ACAP2: variants seen among roughly 807,000 people sequenced by gnomAD.
The protein encoded by ACAP2 is arf-GAP with coiled-coil, ANK repeat and PH domain-containing protein 2.
ACAP2 carries 39 observed loss-of-function variants against 115.8 expected under a neutral mutation model. The ratio of observed to expected loss-of-function variants is 0.34; its 90% CI spans 0.26 to 0.44. The LOEUF is 0.44. Among genes scored for constraint, ACAP2 ranks in the 20% least tolerant of loss-of-function variants. The pLI, the probability that ACAP2 is intolerant of heterozygous loss-of-function variation, is 1.00. For missense variants in ACAP2, 662 were observed against 927.6 expected, an observed-to-expected ratio of 0.71 and a Z score of 3.72; for synonymous variants, 289 against 315.8, an observed-to-expected ratio of 0.92 and a Z score of 0.90.
At position 195,294,315 on chromosome 3, in the gene ACAP2, G is replaced by A. The variant is rs528005653; in HGVS notation, c.1765+404C>T. On this transcript the variant is annotated intron_variant, in intron 18 of 22. Transcript: ENST00000326793. ...TTTAATCAAGAGTAGGGCCGGGCAC[G>A]GTGGCTCAAATCCCAGCACTTTGGG... Among the ~76,000 whole-genome samples, 5 of 150,434 alleles carry A rather than the reference G, an allele frequency of 3.3e-5. No homozygotes were observed. The East Asian group carries it at 1.0e-3, about 30-fold the overall frequency.
intron 1 of ACAP2, among the ~76,000 whole-genome samples, chr3:195,401,751 GA>G (rs1226302275): frequency 2.6e-5 from 4 of 152,148 alleles, no homozygotes; most frequent in Non-Finnish European, 5.9e-5. Context: ...CAGAATCACA[GA>G]ATCTTGAATG....
rs1417110614 is a variant in ACAP2 at position 195,278,294 on chromosome 3, T to C, written c.*1034A>G. ...TGTGTACAAGTACACAAAATAGATG[T>C]AGAAAAAATAAACAGCAATTTATTG... On this transcript the variant is annotated 3_prime_UTR_variant, in exon 23 of 23. Coordinates refer to ENST00000326793, the MANE Select transcript of ACAP2 (RefSeq NM_012287.6). 1.3e-5 allele frequency: 2 copies of C among 152,126 alleles called. No homozygotes were observed. Among genetic ancestry groups the C allele is most frequent in the African/African-American group, 4.8e-5 (2 of 41,430 alleles). The allele number at this position is 152,126 out of a possible 1,614,324, so 9.4% of individuals were successfully genotyped here.
intron 2 of ACAP2, among the ~76,000 whole-genome samples, chr3:195,382,223 G>T (rs1483546496): frequency 2.6e-5 from 4 of 152,104 alleles, no homozygotes; most frequent in Non-Finnish European, 4.4e-5. Flanking sequence ...TACCAGAAAA[G>T]TTGACCATTT....
chr3:195,315,888 A>G (rs1391699711), intron 10 of ACAP2, among the ~76,000 whole-genome samples: 1 of 152,214 alleles, frequency 6.6e-6, no homozygotes, highest in Non-Finnish European at 1.5e-5. Flanking sequence ...ATCATAATGA[A>G]AAGGTTCATG....
rs1402264686 is a variant in ACAP2, at chr3:195,442,904, G to A, written c.-57C>T. ...AGCCGAGGGGGCCGCGGGAGCGGCC[G>A]CGCTGGGACGCAGACGGCTACGGCG... is the stretch of plus-strand genomic sequence containing the variant. On this transcript the variant is annotated 5_prime_UTR_variant, in exon 1 of 23. Transcript: ENST00000326793. 5.5e-6 allele frequency: 8 copies of A among 1,443,710 alleles called. No homozygotes were observed. Among genetic ancestry groups the A allele is most frequent in the Non-Finnish European group, 7.4e-6 (8 of 1,084,106 alleles). The allele number at this position is 1,443,710 out of a possible 1,614,324, so 89.4% of individuals were successfully genotyped here.
chr3:195,324,889 T>C (rs767845011), intron 9 of ACAP2, among the ~76,000 whole-genome samples: 3 of 152,078 alleles, frequency 2.0e-5, no homozygotes, highest in Non-Finnish European at 2.9e-5. Context: ...ATAAGCTATA[T>C]GAAAATTAAA....
chr3:195,298,343 C>T (rs547743968), intron 15 of ACAP2, among the ~76,000 whole-genome samples: 1 of 149,976 alleles, frequency 6.7e-6, no homozygotes, highest in South Asian at 2.1e-4. Flanking sequence ...GCAACTTCCA[C>T]GTCCCAGGTT....
At chr3:195,393,300 C>T (rs1194454472) in intron 1 of ACAP2, among the ~76,000 whole-genome samples, 3 of 152,242 alleles carry the variant, frequency 2.0e-5, no homozygotes, top group Non-Finnish European at 4.4e-5. Flanking sequence ...CTAGGTGCCA[C>T]TGTCTCAAAA....
At chr3:195,432,247 C>A (rs542559528) in intron 1 of ACAP2, among the ~76,000 whole-genome samples, 1 of 152,220 alleles carries the variant, frequency 6.6e-6, no homozygotes, top group African/African-American at 2.4e-5. Context: ...AAATTTCATA[C>A]CTAAGAAACC....
intron 4 of ACAP2, among the ~76,000 whole-genome samples, chr3:195,353,288 C>G (rs1463915239): frequency 1.3e-5 from 2 of 152,068 alleles, no homozygotes; most frequent in East Asian, 3.9e-4. Context: ...AAATTCCTGG[C>G]CCAGAAACTG....
chr3:195,442,676 G>T, intron 1 of ACAP2, 119 bp downstream of exon 1: 2 of 1,125,500 alleles, frequency 1.8e-6, no homozygotes, highest in Admixed American at 3.0e-5. Context: ...GGCAACAGCC[G>T]CTCGCCCCGT....
intron 1 of ACAP2, among the ~76,000 whole-genome samples, chr3:195,424,044 T>A (rs987509106): frequency 6.6e-6 from 1 of 151,796 alleles, no homozygotes; most frequent in Non-Finnish European, 1.5e-5. Context: ...CAGGCCATAG[T>A]TTACCAACTC....
In ACAP2 at chr3:195,294,802, T is replaced by A; in HGVS notation, c.1682A>T (p.Asn561Ile). The change falls in exon 18 of 23, where the codon AAT becomes ATT. Residue 561 changes from asparagine to isoleucine, a missense_variant. Coordinates refer to ENST00000326793, the MANE Select transcript of ACAP2 (RefSeq NM_012287.6). ...RASAQSSVRS[N>I]DSGIQQSSDD... ...AGAGCTCTGCTGAATTCCACTGTCA[T>A]TACTTCTGACTGTTTTAAAGAAAAA... 6.3e-7 allele frequency: 1 copy of A among 1,596,676 alleles called. No homozygotes were observed. The highest frequency in any genetic ancestry group is 8.6e-7 in the Non-Finnish European group (1 of 1,166,970).
At chr3:195,370,042 C>T (rs1296446935) in intron 4 of ACAP2, among the ~76,000 whole-genome samples, 1 of 152,150 alleles carries the variant, frequency 6.6e-6, no homozygotes, top group Admixed American at 6.6e-5. Flanking sequence ...GGCTTCTTGG[C>T]TGTGTATGTC....
intron 4 of ACAP2, among the ~76,000 whole-genome samples, chr3:195,351,593 T>C (rs868229762): frequency 6.6e-6 from 1 of 151,716 alleles, no homozygotes. Context: ...TCCCCAGCAG[T>C]TGGGACCACA....
At chr3:195,426,946 C>A (rs1050020721) in intron 1 of ACAP2, among the ~76,000 whole-genome samples, 2 of 151,672 alleles carry the variant, frequency 1.3e-5, no homozygotes, top group East Asian at 3.9e-4. Context: ...CCCGCCCCCA[C>A]CAAGGATGTC....
At chr3:195,405,850 G>A (rs756949918) in intron 1 of ACAP2, among the ~76,000 whole-genome samples, 1 of 152,100 alleles carries the variant, frequency 6.6e-6, no homozygotes, top group Non-Finnish European at 1.5e-5. Context: ...ATCTTACATG[G>A]CCAGAGCAGG....
intron 10 of ACAP2, among the ~76,000 whole-genome samples, chr3:195,318,788 AAAAG>A (rs1469809318): frequency 1.3e-5 from 2 of 152,262 alleles, no homozygotes; most frequent in African/African-American, 4.8e-5. Context: ...CATGAGGTAT[AAAAG>A]AAAAATCCAT....
At position 195,275,740 on chromosome 3, in the gene ACAP2, C is replaced by G. The variant is rs1726166822; in HGVS notation, c.*3588G>C. 6.6e-6 allele frequency: 1 copy of G among 152,144 alleles called. No individual in the cohort carries two copies. The highest frequency in any genetic ancestry group is 1.5e-5 in the Non-Finnish European group (1 of 68,032). The allele number at this position is 152,144 out of a possible 1,614,324, so 9.4% of individuals were successfully genotyped here. On this transcript the variant is annotated 3_prime_UTR_variant, in exon 23 of 23. Transcript: ENST00000326793. ...ATCAAAAAAGTAGACAACTTTGGAGCTTAGATTAAGATCTCAGAAATCCTA... is the reference window on the plus strand; with the variant it reads ...ATCAAAAAAGTAGACAACTTTGGAGGTTAGATTAAGATCTCAGAAATCCTA...
Sources: allele counts gnomAD v4.1 joint callset (sites outside exome capture counted in the v4.1 genomes callset), GRCh38; gene constraint gnomAD v4.1.1; transcripts MANE v1.5; gene names NCBI Gene and HGNC (gene_info 2026-07-23, HGNC 2026-07-21).